The following XPO7 variants were observed in gnomAD, a reference collection of about 807,000 sequenced individuals.
The protein encoded by XPO7 is exportin-7.
Under a neutral mutation model 144.3 loss-of-function variants are expected in XPO7, and 21 were observed. The ratio of observed to expected loss-of-function variants is 0.15; its 90% CI spans 0.10 to 0.21. The LOEUF is 0.21. XPO7 is among the 10% of genes least tolerant of loss of function. The pLI is 1.00. For missense variants in XPO7, 808 were observed against 1,325.8 expected (o/e 0.61, Z 6.06); for synonymous variants, 580 against 499.6 (o/e 1.16, Z -2.15).
intron 1 of XPO7, among the ~76,000 whole-genome samples, chr8:21,931,498 C>T (rs990386575): frequency 5.3e-5 from 8 of 152,206 alleles, no homozygotes; most frequent in African/African-American, 1.9e-4. Context: ...TTGAGTGAAA[C>T]ACTGGTATTT....
At chr8:21,964,922 GAC>G (rs1325449618) in intron 1 of XPO7, among the ~76,000 whole-genome samples, 1 of 152,186 alleles carries the variant, frequency 6.6e-6, no homozygotes, top group African/African-American at 2.4e-5. Context: ...TGATTGATCA[GAC>G]TTTAAGGAGA....
chr8:22,003,413 C>G (rs894289367), intron 26 of XPO7, 96 bp downstream of exon 26: 1 of 925,578 alleles, frequency 1.1e-6, no homozygotes, highest in South Asian at 1.7e-5. Context: ...AGAAACACCC[C>G]ACGGTGGTGA....
intron 1 of XPO7, 123 bp from the exon 2 acceptor site, chr8:21,966,734 C>T (rs1811897423): frequency 1.0e-5 from 14 of 1,358,214 alleles, no homozygotes; most frequent in African/African-American, 1.5e-5. Flanking sequence ...CCCAGGTTCT[C>T]CTCAGTTCAG....
chr8:21,992,557 A>AT (rs1053739431), intron 19 of XPO7, among the ~76,000 whole-genome samples: 4 of 151,652 alleles, frequency 2.6e-5, no homozygotes, highest in African/African-American at 7.3e-5. Flanking sequence ...TTTATTTTTG[A>AT]TTTTTTTTAG....
intron 1 of XPO7, among the ~76,000 whole-genome samples, chr8:21,920,999 G>T (rs1160496378): frequency 1.3e-5 from 2 of 152,180 alleles, no homozygotes; most frequent in Non-Finnish European, 2.9e-5. Context: ...CAGTAAAGTA[G>T]ATCTTCGGAG....
intron 27 of XPO7, 45 bp from the exon 28 acceptor site, chr8:22,004,950 T>TG: frequency 1.1e-6 from 1 of 901,394 alleles, no homozygotes; most frequent in Non-Finnish European, 1.6e-6. Context: ...CAAATACCTT[T>TG]CCCCCCCACT....
chr8:21,964,316 G>C (rs1811816099), intron 1 of XPO7: 1 of 152,196 alleles, frequency 6.6e-6, no homozygotes, highest in South Asian at 2.1e-4. Context: ...ATGCCAAGGA[G>C]AGTGCTGTGG....
intron 11 of XPO7, 67 bp from the exon 12 acceptor site, chr8:21,984,579 C>CAAATCAGTATATT: frequency 7.1e-7 from 1 of 1,407,538 alleles, no homozygotes; most frequent in Non-Finnish European, 9.5e-7. Context: ...AGTCAGAGAG[C>CAAATCAGTATATT]TGCTATATTG....
intron 2 of XPO7, among the ~76,000 whole-genome samples, chr8:21,968,049 T>A (rs908251402): frequency 2.0e-5 from 3 of 152,174 alleles, no homozygotes; most frequent in African/African-American, 7.2e-5. Flanking sequence ...TTCCCAGTCG[T>A]GCTTACCTAT....
chr8:21,992,011 T>C, intron 19 of XPO7, 37 bp downstream of exon 19: 1 of 1,544,082 alleles, frequency 6.5e-7, no homozygotes, highest in South Asian at 1.2e-5. Flanking sequence ...AATCAGCTTC[T>C]GGTTTAGGGC....
At chr8:21,993,156 A>G (rs1365415746) in intron 19 of XPO7, among the ~76,000 whole-genome samples, 2 of 152,232 alleles carry the variant, frequency 1.3e-5, no homozygotes, top group African/African-American at 2.4e-5. Context: ...ACTTTAGGCT[A>G]GAGTATCAAC....
intron 1 of XPO7, among the ~76,000 whole-genome samples, chr8:21,944,187 T>A (rs1454022908): frequency 2.0e-5 from 3 of 152,212 alleles, no homozygotes; most frequent in Non-Finnish European, 4.4e-5. Context: ...ACCATGAGCT[T>A]TTCCTGTATC....
At chr8:21,963,062 G>C (rs1343518101) in intron 1 of XPO7, among the ~76,000 whole-genome samples, 1 of 152,144 alleles carries the variant, frequency 6.6e-6, no homozygotes, top group Non-Finnish European at 1.5e-5. Flanking sequence ...AAAGTGGCTT[G>C]GGTTTTCGGC....
intron 1 of XPO7, among the ~76,000 whole-genome samples, chr8:21,920,448 G>T (rs1048756200): frequency 6.6e-6 from 1 of 152,106 alleles, no homozygotes; most frequent in Non-Finnish European, 1.5e-5. Context: ...TAGCCACAGT[G>T]AAGGAGTTGA....
rs2306644 is a variant in XPO7 at position 21,987,391 on chromosome 8, A to G, written c.1713+115A>G. On this transcript the variant is annotated intron_variant, in intron 14 of 27. Transcript: ENST00000252512. ...ACCTCCAGATTTCACGTAATAGGAC[A>G]GTCCAAATGTTTTCTCTTAGTCTTT... 4,492 of 1,405,962 alleles carry G rather than the reference A, an allele frequency of 3.2e-3. 104 individuals carry two copies. The East Asian group carries it at 0.062, about 19-fold the overall frequency. 87.1% of individuals were successfully genotyped at this position (1,405,962 alleles called of 1,614,324 possible).
At chr8:21,979,102 C>G (rs1347774571) in intron 8 of XPO7, among the ~76,000 whole-genome samples, 1 of 152,186 alleles carries the variant, frequency 6.6e-6, no homozygotes, top group Non-Finnish European at 1.5e-5. Flanking sequence ...GAGTTTTGAT[C>G]TTGTTGCCCA....
chr8:21,946,676 C>G (rs902160294), intron 1 of XPO7, among the ~76,000 whole-genome samples: 24 of 148,090 alleles, frequency 1.6e-4, no homozygotes, highest in African/African-American at 6.0e-4. Flanking sequence ...GAGTCTTGCC[C>G]TGTTACCCAG....
At chr8:21,936,586 C>T (rs1563312250) in intron 1 of XPO7, among the ~76,000 whole-genome samples, 1 of 152,184 alleles carries the variant, frequency 6.6e-6, no homozygotes, top group Non-Finnish European at 1.5e-5. Flanking sequence ...TGGTCTATCA[C>T]CTGTTGCCCA....
At chr8:21,965,397 T>TA (rs1811850717) in intron 1 of XPO7, among the ~76,000 whole-genome samples, 1 of 152,246 alleles carries the variant, frequency 6.6e-6, no homozygotes, top group African/African-American at 2.4e-5. Flanking sequence ...ACTCAGGTAC[T>TA]ACTTATAGAA....
Sources: gnomAD v4.1 joint callset for allele counts (sites outside exome capture counted in the v4.1 genomes callset) on GRCh38, gnomAD v4.1.1 for gene constraint, MANE v1.5 for transcripts, NCBI Gene and HGNC (gene_info 2026-07-23, HGNC 2026-07-21) for gene names.